Variants in DOCK3 observed in about 807,000 individuals in gnomAD.
DOCK3 encodes the protein dedicator of cytokinesis 3, also known as dedicator of cytokinesis protein 3.
A neutral mutation model predicts 265.6 loss-of-function variants in DOCK3; 60 were observed. That is an observed-to-expected ratio of 0.23 (90% CI 0.18 to 0.28). The LOEUF (loss-of-function observed/expected upper bound fraction) is 0.28, where lower values mean the gene tolerates loss of function less well. Among genes scored for constraint, DOCK3 ranks in the 10% least tolerant of loss-of-function variants. DOCK3 has a pLI of 1.00. For synonymous variants in DOCK3, 881 were observed against 938.0 expected (o/e 0.94, Z 1.11); for missense variants, 1,981 against 2,594.3 (o/e 0.76, Z 5.14).
At chr3:50,915,607 G>A (rs752953994) in intron 4 of DOCK3, among the ~76,000 whole-genome samples, 5 of 152,042 alleles carry the variant, frequency 3.3e-5, no homozygotes, top group Non-Finnish European at 7.4e-5. Flanking sequence ...CACTTGCCAG[G>A]GCAGCAGTTT....
chr3:51,281,297 A>ATATATATATATATG (rs889323835), intron 27 of DOCK3, among the ~76,000 whole-genome samples: 1 of 136,738 alleles, frequency 7.3e-6, no homozygotes, highest in African/African-American at 2.9e-5. Flanking sequence ...ATATATATAT[A>ATATATATATATATG]TATATATATC....
At chr3:50,754,558 CTTTT>C (rs541191723) in intron 1 of DOCK3, among the ~76,000 whole-genome samples, 3 of 136,660 alleles carry the variant, frequency 2.2e-5, no homozygotes, top group Admixed American at 7.4e-5. Context: ...GTTTTAACAA[CTTTT>C]TTTTTTTTTT....
chr3:51,085,639 A>T (rs1012888091), intron 7 of DOCK3, among the ~76,000 whole-genome samples: 5 of 152,204 alleles, frequency 3.3e-5, no homozygotes, highest in Admixed American at 6.5e-5. Context: ...TGGAAACACA[A>T]CATATCCAAA....
At chr3:51,261,310 G>A (rs1414432419) in intron 23 of DOCK3, among the ~76,000 whole-genome samples, 1 of 152,132 alleles carries the variant, frequency 6.6e-6, no homozygotes, top group Admixed American at 6.5e-5. Flanking sequence ...GAAGTACAAG[G>A]GGTTGGGGAA....
chr3:51,279,390 G>A (rs1292388588), intron 26 of DOCK3, among the ~76,000 whole-genome samples: 1 of 152,134 alleles, frequency 6.6e-6, no homozygotes, highest in African/African-American at 2.4e-5. Context: ...TTTTAAGGAG[G>A]CAACTAAGAG....
At chr3:51,198,922 A>G (rs1267300548) in intron 12 of DOCK3, among the ~76,000 whole-genome samples, 2 of 152,028 alleles carry the variant, frequency 1.3e-5, no homozygotes, top group Admixed American at 1.3e-4. Context: ...CCAGCTACTC[A>G]GGAGGCTGAG....
chr3:50,726,785 A>T (rs572094578), intron 1 of DOCK3, among the ~76,000 whole-genome samples: 1 of 152,316 alleles, frequency 6.6e-6, no homozygotes, highest in Admixed American at 6.5e-5. Flanking sequence ...AACTCTGGGG[A>T]GGGAGAATAA....
chr3:50,756,554 T>C (rs1235583188), intron 1 of DOCK3, among the ~76,000 whole-genome samples: 1 of 152,166 alleles, frequency 6.6e-6, no homozygotes, highest in African/African-American at 2.4e-5. Flanking sequence ...TGAGAGCATA[T>C]GTTTTTAGTT....
At chr3:51,327,566 T>C (rs2084216404) in intron 32 of DOCK3, among the ~76,000 whole-genome samples, 1 of 152,298 alleles carries the variant, frequency 6.6e-6, no homozygotes, top group East Asian at 1.9e-4. Context: ...TTGCATGCAT[T>C]GATATTCAGT....
chr3:51,255,575 C>CT (rs2079502363), intron 22 of DOCK3, among the ~76,000 whole-genome samples: 1 of 152,178 alleles, frequency 6.6e-6, no homozygotes, highest in Non-Finnish European at 1.5e-5. Context: ...TCTTTTTACT[C>CT]TTTTTTCTCT....
intron 6 of DOCK3, among the ~76,000 whole-genome samples, chr3:51,066,387 CTATT>C (rs1254188089): frequency 6.6e-5 from 10 of 152,196 alleles, no homozygotes; most frequent in Admixed American, 3.9e-4. Flanking sequence ...GAAGAGAAGA[CTATT>C]TAAGGGTTTT....
At chr3:51,284,275 A>AT (rs1402233975) in intron 27 of DOCK3, among the ~76,000 whole-genome samples, 1 of 152,052 alleles carries the variant, frequency 6.6e-6, no homozygotes, top group Non-Finnish European at 1.5e-5. Context: ...ATGTGAGCAC[A>AT]TAAATACTTC....
chr3:51,283,502 C>T (rs2081246707), intron 27 of DOCK3, among the ~76,000 whole-genome samples: 1 of 152,094 alleles, frequency 6.6e-6, no homozygotes, highest in African/African-American at 2.4e-5. Flanking sequence ...GAAAGGGCTC[C>T]AAAAATGCAG....
intron 12 of DOCK3, among the ~76,000 whole-genome samples, chr3:51,166,775 C>T (rs2086429296): frequency 6.6e-6 from 1 of 152,190 alleles, no homozygotes; most frequent in African/African-American, 2.4e-5. Context: ...GGGAAAACGT[C>T]TTTCAGGCCT....
At chr3:51,227,549 A>C in intron 16 of DOCK3, 104 bp downstream of exon 16, 18 of 1,494,084 alleles carry the variant, frequency 1.2e-5, no homozygotes, top group Non-Finnish European at 1.4e-5. Context: ...AAGAAAATGA[A>C]GAGTTAGGAA....
intron 5 of DOCK3, among the ~76,000 whole-genome samples, chr3:50,999,808 C>G (rs1205801768): frequency 1.3e-5 from 2 of 152,170 alleles, no homozygotes; most frequent in Non-Finnish European, 2.9e-5. Context: ...ACTATTTTTG[C>G]AAAGACTGCA....
At chr3:51,133,858 T>C (rs1050865751) in intron 9 of DOCK3, among the ~76,000 whole-genome samples, 17 of 152,040 alleles carry the variant, frequency 1.1e-4, no homozygotes, top group African/African-American at 4.1e-4. Flanking sequence ...TCAGAGATGA[T>C]AGAATGTTCT....
intron 27 of DOCK3, among the ~76,000 whole-genome samples, chr3:51,303,467 C>T (rs995636666): frequency 1.4e-4 from 21 of 152,188 alleles, no homozygotes; most frequent in Admixed American, 2.6e-4. Context: ...AGAGGTATTG[C>T]AATCATTTGG....
intron 1 of DOCK3, among the ~76,000 whole-genome samples, chr3:50,773,316 C>G (rs1460711765): frequency 1.3e-5 from 2 of 152,022 alleles, no homozygotes; most frequent in Non-Finnish European, 2.9e-5. Context: ...AATGTAAGAC[C>G]TGAAACTATA....
Sources: allele counts gnomAD v4.1 joint callset (sites outside exome capture counted in the v4.1 genomes callset), GRCh38; gene constraint gnomAD v4.1.1; transcripts MANE v1.5; gene names NCBI Gene and HGNC (gene_info 2026-07-23, HGNC 2026-07-21).